The following MAP2K1 variants were observed in gnomAD, a reference collection of about 807,000 sequenced individuals.
The protein encoded by MAP2K1 is mitogen-activated protein kinase kinase 1.
MAP2K1 carries 16 observed loss-of-function variants against 46.3 expected under a neutral mutation model. The observed-to-expected ratio is 0.35, with a 90% CI of 0.23 to 0.52. The LOEUF is 0.52. Ranked by LOEUF, MAP2K1 falls within the 20% of genes least tolerant of loss-of-function variation. The probability of loss-of-function intolerance (pLI) is 0.94; values close to 1 mark genes in which losing one functional copy is unlikely to be tolerated. For missense variants in MAP2K1, 263 were observed against 497.1 expected (o/e 0.53, Z 4.48); for synonymous variants, 183 against 185.6 (o/e 0.99, Z 0.11).
At chr15:66,413,078 T>G (rs1449674722) in intron 1 of MAP2K1, among the ~76,000 whole-genome samples, 1 of 152,060 alleles carries the variant, frequency 6.6e-6, no homozygotes, top group Admixed American at 6.5e-5. Context: ...GTATTTTTAG[T>G]AGAGACAGGG....
chr15:66,452,195 C>T lies in MAP2K1; in HGVS notation c.568+7488C>T, dbSNP rs180863017. Among the ~76,000 whole-genome samples, 436 of 134,174 alleles carry T rather than the reference C, an allele frequency of 3.2e-3. 1 individual carries two copies. Among genetic ancestry groups the T allele is most frequent in the African/African-American group, 0.012 (420 of 36,026 alleles). The allele number at this position is 134,174 out of a possible 152,430, so 88.0% of individuals were successfully genotyped here. A position where few individuals can be genotyped will look rare whatever the true frequency, so the allele number is the denominator to read the frequency against. ...GAGATATACCCAATGCTAGATGACA[C>T]GTTAGTGGGTGCAGCGCACCAGCAT... On this transcript the variant is annotated intron_variant, in intron 5 of 10. Transcript: ENST00000307102.
intron 1 of MAP2K1, among the ~76,000 whole-genome samples, chr15:66,409,333 T>C (rs1448414514): frequency 6.6e-6 from 1 of 152,160 alleles, no homozygotes; most frequent in African/African-American, 2.4e-5. Context: ...TGAGAACATC[T>C]TCCCTATTCT....
At chr15:66,426,014 T>C (rs1182209076) in intron 1 of MAP2K1, among the ~76,000 whole-genome samples, 1 of 152,212 alleles carries the variant, frequency 6.6e-6, no homozygotes, top group African/African-American at 2.4e-5. Flanking sequence ...GTTTGCTCAA[T>C]ATTACATGTA....
chr15:66,464,817 C>T (rs1157940601), intron 5 of MAP2K1, among the ~76,000 whole-genome samples: 6 of 151,694 alleles, frequency 4.0e-5, no homozygotes, highest in Non-Finnish European at 7.4e-5. Context: ...TGTGAGCCAC[C>T]GTGCCTGGCT....
chr15:66,420,948 CAT>C (rs2093440278), intron 1 of MAP2K1, among the ~76,000 whole-genome samples: 1 of 65,230 alleles, frequency 1.5e-5, no homozygotes, highest in East Asian at 5.1e-4. Flanking sequence ...TACATATATA[CAT>C]ACACATACAT....
chr15:66,417,247 A>G (rs2093426701), intron 1 of MAP2K1, among the ~76,000 whole-genome samples: 1 of 152,222 alleles, frequency 6.6e-6, no homozygotes, highest in Non-Finnish European at 1.5e-5. Flanking sequence ...TTGATGGTCT[A>G]ACTAGTAATT....
At chr15:66,405,120 A>G (rs563151760) in intron 1 of MAP2K1, among the ~76,000 whole-genome samples, 1 of 152,280 alleles carries the variant, frequency 6.6e-6, no homozygotes, top group South Asian at 2.1e-4. Context: ...ATAGTATTCT[A>G]TTTTACAAAT....
chr15:66,446,963 T>C (rs187804937), intron 5 of MAP2K1, among the ~76,000 whole-genome samples: 2 of 152,306 alleles, frequency 1.3e-5, no homozygotes, highest in East Asian at 3.9e-4. Context: ...ATAGTTGCTT[T>C]TAAAGAAGAT....
At chr15:66,409,713 G>A (rs1283540024) in intron 1 of MAP2K1, among the ~76,000 whole-genome samples, 2 of 152,158 alleles carry the variant, frequency 1.3e-5, no homozygotes, top group Non-Finnish European at 2.9e-5. Flanking sequence ...ACTCACTTGG[G>A]AACAGAGTTT....
At chr15:66,444,867 C>CAAACT in intron 5 of MAP2K1, 160 bp downstream of exon 5, 1 of 658,104 alleles carries the variant, frequency 1.5e-6, no homozygotes, top group South Asian at 1.8e-5. Flanking sequence ...GCTGAGGCAG[C>CAAACT]AACTCCTACC....
chr15:66,409,732 T>C (rs969155729), intron 1 of MAP2K1, among the ~76,000 whole-genome samples: 1 of 152,204 alleles, frequency 6.6e-6, no homozygotes, highest in Admixed American at 6.5e-5. Flanking sequence ...TTAATTTCAC[T>C]GTAGGTGGCT....
At chr15:66,408,075 T>C (rs2093402231) in intron 1 of MAP2K1, among the ~76,000 whole-genome samples, 1 of 152,234 alleles carries the variant, frequency 6.6e-6, no homozygotes, top group African/African-American at 2.4e-5. Flanking sequence ...TGTTCCCACA[T>C]CTGTAAAATG....
intron 1 of MAP2K1, among the ~76,000 whole-genome samples, chr15:66,404,675 A>G (rs1301397834): frequency 6.6e-6 from 1 of 152,204 alleles, no homozygotes; most frequent in African/African-American, 2.4e-5. Context: ...GAAACCACCA[A>G]CAGGTGTTTC....
intron 1 of MAP2K1, among the ~76,000 whole-genome samples, chr15:66,410,465 T>C (rs2093408628): frequency 6.6e-6 from 1 of 152,038 alleles, no homozygotes. Context: ...AGAGAAAAAA[T>C]AGTTAATTTT....
chr15:66,442,243 TAA>T (rs2093506195), intron 3 of MAP2K1, among the ~76,000 whole-genome samples: 1 of 152,212 alleles, frequency 6.6e-6, no homozygotes, highest in African/African-American at 2.4e-5. Context: ...TCTGACTCCA[TAA>T]AGTCAAGTCC....
At chr15:66,483,671 CT>C (rs1892966307) in intron 6 of MAP2K1, among the ~76,000 whole-genome samples, 1 of 151,350 alleles carries the variant, frequency 6.6e-6, no homozygotes, top group Admixed American at 6.6e-5. Flanking sequence ...GCACTGTATA[CT>C]TTTTTTCTCT....
At chr15:66,469,155 C>T (rs1892545478) in intron 5 of MAP2K1, among the ~76,000 whole-genome samples, 1 of 151,942 alleles carries the variant, frequency 6.6e-6, no homozygotes, top group South Asian at 2.1e-4. Flanking sequence ...ACTCCGGAGG[C>T]TGAGGCAGGA....
intron 1 of MAP2K1, chr15:66,415,251 G>A (rs2093421871): frequency 2.5e-6 from 1 of 399,836 alleles, no homozygotes; most frequent in Non-Finnish European, 4.8e-6. Context: ...AGCAAACTGT[G>A]GGCCCACATT....
At chr15:66,419,704 C>G (rs530772792) in intron 1 of MAP2K1, among the ~76,000 whole-genome samples, 19 of 151,912 alleles carry the variant, frequency 1.3e-4, no homozygotes, top group African/African-American at 4.6e-4. Flanking sequence ...AGAGGCTCCT[C>G]TGTGTGTGTG....
Sources: allele counts gnomAD v4.1 joint callset (sites outside exome capture counted in the v4.1 genomes callset), GRCh38; gene constraint gnomAD v4.1.1; transcripts MANE v1.5; gene names NCBI Gene and HGNC (gene_info 2026-07-23, HGNC 2026-07-21).